CDH13: variants seen among roughly 807,000 people sequenced by gnomAD.
The protein encoded by CDH13 is cadherin-13.
In CDH13, 24 loss-of-function variants were observed where a neutral mutation model predicts 63.8. That is an observed-to-expected ratio of 0.38 (90% confidence interval 0.27 to 0.53). The LOEUF (loss-of-function observed/expected upper bound fraction) is 0.53. CDH13 is among the 20% of genes least tolerant of loss of function. CDH13 has a pLI of 0.85. For synonymous variants in CDH13, 503 were observed against 355.3 expected, an observed-to-expected ratio of 1.42 and a Z score of -4.67; for missense variants, 1,049 against 903.1, an observed-to-expected ratio of 1.16 and a Z score of -2.07.
At chr16:82,627,742 GC>G (rs1907510408) in intron 1 of CDH13, among the ~76,000 whole-genome samples, 1 of 152,160 alleles carries the variant, frequency 6.6e-6, no homozygotes, top group Non-Finnish European at 1.5e-5. Context: ...GCCGGCGCCG[GC>G]CGCACCCGCA....
intron 2 of CDH13, among the ~76,000 whole-genome samples, chr16:83,022,812 T>A (rs1335990961): frequency 6.6e-6 from 1 of 152,174 alleles, no homozygotes; most frequent in Non-Finnish European, 1.5e-5. Flanking sequence ...CTAGGACAAT[T>A]TACCCATATA....
intron 5 of CDH13, among the ~76,000 whole-genome samples, chr16:83,241,195 G>A (rs557884823): frequency 6.6e-6 from 1 of 152,112 alleles, no homozygotes; most frequent in Non-Finnish European, 1.5e-5. Context: ...ATAGTTCATT[G>A]TGTGGATATA....
chr16:83,037,913 A>G (rs1435682617), intron 3 of CDH13, among the ~76,000 whole-genome samples: 1 of 152,192 alleles, frequency 6.6e-6, no homozygotes, highest in East Asian at 1.9e-4. Context: ...ACATCAAGGG[A>G]CAGTTCCCAT....
At chr16:82,966,315 AT>A (rs981429100) in intron 2 of CDH13, among the ~76,000 whole-genome samples, 2 of 144,524 alleles carry the variant, frequency 1.4e-5, no homozygotes, top group Non-Finnish European at 3.1e-5. Flanking sequence ...CGCCCAGCTA[AT>A]TTTTTTGTAT....
intron 1 of CDH13, among the ~76,000 whole-genome samples, chr16:82,740,775 C>G (rs577265899): frequency 3.1e-4 from 47 of 152,254 alleles, no homozygotes; most frequent in African/African-American, 1.1e-3. Flanking sequence ...TCACTTCCAC[C>G]CACTGGGCAA....
intron 10 of CDH13, among the ~76,000 whole-genome samples, chr16:83,730,112 C>T (rs758408425): frequency 6.6e-6 from 1 of 152,200 alleles, no homozygotes; most frequent in Non-Finnish European, 1.5e-5. Flanking sequence ...GTCTACGTAG[C>T]ATTCCATTAT....
intron 2 of CDH13, among the ~76,000 whole-genome samples, chr16:82,986,393 T>C (rs540155260): frequency 6.6e-6 from 1 of 152,354 alleles, no homozygotes; most frequent in South Asian, 2.1e-4. Flanking sequence ...ACTGTGTATA[T>C]AAAAGTCATT....
At chr16:83,107,766 A>G (rs1232936973) in intron 3 of CDH13, among the ~76,000 whole-genome samples, 1 of 148,610 alleles carries the variant, frequency 6.7e-6, no homozygotes, top group African/African-American at 2.5e-5. Flanking sequence ...CACATAATTC[A>G]TTCCTCTGAC....
chr16:83,697,367 T>C (rs1043743990), intron 10 of CDH13, among the ~76,000 whole-genome samples: 1 of 152,194 alleles, frequency 6.6e-6, no homozygotes, highest in African/African-American at 2.4e-5. Flanking sequence ...GTTCGCAATT[T>C]TGCTGTTTGA....
At chr16:82,904,028 T>C (rs566702803) in intron 2 of CDH13, among the ~76,000 whole-genome samples, 4 of 152,340 alleles carry the variant, frequency 2.6e-5, no homozygotes, top group East Asian at 3.9e-4. Context: ...TGCTTTTTTT[T>C]CTATTAAAAT....
intron 2 of CDH13, among the ~76,000 whole-genome samples, chr16:83,031,060 G>T (rs564571843): frequency 1.3e-5 from 2 of 151,616 alleles, no homozygotes; most frequent in East Asian, 3.9e-4. Flanking sequence ...TCTATATGGT[G>T]CTGCATATTG....
chr16:83,200,131 A>T (rs1199865032), intron 4 of CDH13, among the ~76,000 whole-genome samples: 1 of 152,104 alleles, frequency 6.6e-6, no homozygotes. Flanking sequence ...TCAGACTCAG[A>T]GTCAGAAGGG....
At chr16:83,720,179 G>T (rs1263148178) in intron 10 of CDH13, among the ~76,000 whole-genome samples, 1 of 151,840 alleles carries the variant, frequency 6.6e-6, no homozygotes, top group Non-Finnish European at 1.5e-5. Flanking sequence ...CAGTACATAC[G>T]TACACACACA....
At chr16:82,684,559 T>A (rs1249291340) in intron 1 of CDH13, among the ~76,000 whole-genome samples, 1 of 152,070 alleles carries the variant, frequency 6.6e-6, no homozygotes, top group African/African-American at 2.4e-5. Flanking sequence ...TAATAGACCA[T>A]GAAGTCAGGA....
intron 2 of CDH13, among the ~76,000 whole-genome samples, chr16:82,910,254 A>G (rs1185049553): frequency 6.6e-6 from 1 of 152,148 alleles, no homozygotes; most frequent in Non-Finnish European, 1.5e-5. Context: ...ACTTGTCATC[A>G]CTACATAATC....
At chr16:83,464,604 C>G (rs184111562) in intron 6 of CDH13, among the ~76,000 whole-genome samples, 1 of 152,102 alleles carries the variant, frequency 6.6e-6, no homozygotes. Context: ...AGGTGATCCA[C>G]CCGCCTTGAG....
At chr16:83,747,706 T>C (rs1912721255) in intron 10 of CDH13, among the ~76,000 whole-genome samples, 1 of 149,946 alleles carries the variant, frequency 6.7e-6, no homozygotes, top group East Asian at 1.9e-4. Flanking sequence ...CCTCCAAGCA[T>C]TGATGTGCCC....
At chr16:83,602,708 C>A in intron 8 of CDH13, 114 bp downstream of exon 8, 1 of 1,044,142 alleles carries the variant, frequency 9.6e-7, no homozygotes, top group Non-Finnish European at 1.5e-6. Flanking sequence ...TCAAAATACT[C>A]CTTTGTGGGA....
chr16:83,696,412 C>G (rs1435629696), intron 10 of CDH13, among the ~76,000 whole-genome samples: 1 of 152,002 alleles, frequency 6.6e-6, no homozygotes. Flanking sequence ...CTTTTGAAAT[C>G]TGTAAAGGTG....
Sources: gnomAD v4.1 joint callset for allele counts (sites outside exome capture counted in the v4.1 genomes callset) on GRCh38, gnomAD v4.1.1 for gene constraint, MANE v1.5 for transcripts, NCBI Gene and HGNC (gene_info 2026-07-23, HGNC 2026-07-21) for gene names.